Variants in EP400 observed in about 807,000 individuals in gnomAD.
The protein encoded by EP400 is E1A-binding protein p400.
Under a neutral mutation model 354.1 loss-of-function variants are expected in EP400, and 105 were observed. That is an observed-to-expected ratio of 0.30 (90% CI 0.25 to 0.35). The LOEUF is 0.35. EP400 is among the 10% of genes least tolerant of loss of function. The probability of loss-of-function intolerance (pLI) is 1.00; values close to 1 mark genes in which losing one functional copy is unlikely to be tolerated. For synonymous variants in EP400, 1,646 were observed against 1,716.9 expected, an observed-to-expected ratio of 0.96 and a Z score of 1.02; for missense variants, 3,280 against 4,121.0, an observed-to-expected ratio of 0.80 and a Z score of 5.59.
chr12:132,069,480 GC>G lies in EP400; in HGVS notation c.8875-14del. ...GCATGGTCTCTGCGGCCCTAATTTC[GC>G]AGTCTCTCCCCAGATCACCGCACAG... is the stretch of plus-strand genomic sequence containing the variant. On this transcript the variant is annotated splice_polypyrimidine_tract_variant and intron_variant, in intron 50 of 52. Coordinates refer to ENST00000389561, the MANE Select transcript of EP400 (RefSeq NM_015409.5). 6.2e-7 allele frequency: 1 copy of G among 1,611,826 alleles called. No homozygotes were observed. Among genetic ancestry groups the G allele is most frequent in the South Asian group, 1.1e-5 (1 of 91,000 alleles).
Position 132,027,602 on chromosome 12 carries a change from G to C in EP400, c.5109+71G>C. 1 of 1,307,950 alleles carries C rather than the reference G, an allele frequency of 7.6e-7. No individual in the cohort carries two copies. Among genetic ancestry groups the C allele is most frequent in the Non-Finnish European group, 1.0e-6 (1 of 954,162 alleles). The allele number at this position is 1,307,950 out of a possible 1,614,324, so 81.0% of individuals were successfully genotyped here. On this transcript the variant is annotated intron_variant, in intron 26 of 52. Transcript: ENST00000389561. The surrounding 1 kb of genome is among the most constrained non-coding windows in gnomAD (Gnocchi z 4.9). The stretch of plus-strand genomic sequence containing the variant: ...TTCCAAGAGCTGCTCGTTGTGTTTG[G>C]TTGTGATATTTAAAGGCTCCTGTGA...
At chr12:132,040,954 A>G (rs1253656490) in intron 32 of EP400, among the ~76,000 whole-genome samples, 1 of 152,196 alleles carries the variant, frequency 6.6e-6, no homozygotes, top group Non-Finnish European at 1.5e-5. Flanking sequence ...CCAGAGCAGT[A>G]ACACTGGTGA....
intron 45 of EP400, among the ~76,000 whole-genome samples, chr12:132,059,860 CAAA>C (rs1203429291): frequency 7.2e-6 from 1 of 139,788 alleles, no homozygotes; most frequent in South Asian, 2.3e-4. Flanking sequence ...ACAGAAAATA[CAAA>C]AAAAAAAAAA....
At chr12:131,981,704 C>A in intron 4 of EP400, 108 bp downstream of exon 4, 2 of 879,280 alleles carry the variant, frequency 2.3e-6, no homozygotes, top group Non-Finnish European at 1.8e-6. Context: ...AGCGTGTTTG[C>A]AGTGGGGTGC....
At chr12:132,036,176 C>G (rs1418315119) in intron 30 of EP400, among the ~76,000 whole-genome samples, 2 of 147,620 alleles carry the variant, frequency 1.4e-5, no homozygotes, top group Non-Finnish European at 3.0e-5. Context: ...GAACAACACA[C>G]CCAGGTTCAC....
chr12:131,973,445 C>T (rs1892365442), intron 2 of EP400, among the ~76,000 whole-genome samples: 1 of 152,170 alleles, frequency 6.6e-6, no homozygotes, highest in Admixed American at 6.5e-5. Flanking sequence ...AGTTTGAGAC[C>T]AGCCTGGCCA....
rs1452659126 is a variant in EP400, at chr12:132,025,602, G to A, written c.4856-44G>A. 2 of 1,536,894 alleles carry A rather than the reference G, an allele frequency of 1.3e-6. No individual in the cohort carries two copies. The highest frequency in any genetic ancestry group is 2.3e-5 in the East Asian group (1 of 42,878). ...AGTGCCTGGAGTGTGTGGCTGTGAT[G>A]TACACATGCCTGTCATTGACACCTA... On this transcript the variant is annotated intron_variant, in intron 24 of 52. Coordinates refer to ENST00000389561, the MANE Select transcript of EP400 (RefSeq NM_015409.5). This position sits in a 1 kb window ranked among gnomAD's most constrained non-coding sequence, Gnocchi z 4.1.
chr12:132,076,614 G>A, intron 52 of EP400, 21 bp downstream of exon 52: 1 of 1,591,990 alleles, frequency 6.3e-7, no homozygotes, highest in Non-Finnish European at 8.6e-7. Context: ...TAGACAAAGT[G>A]GAAACCTCAC....
chr12:131,979,590 T>C, intron 2 of EP400, 104 bp from the exon 3 acceptor site: 1 of 928,910 alleles, frequency 1.1e-6, no homozygotes, highest in East Asian at 2.8e-5. Context: ...TTCCTGTTAT[T>C]AGAAAGGAAG....
Position 132,074,673 on chromosome 12 carries a change from C to T in EP400, c.9022-1843C>T, listed in dbSNP as rs548544961. The stretch of plus-strand genomic sequence containing the variant: ...TTTTGTATTTTCTGTGTCTTTGTCT[C>T]GTCGTACTATATTCTGAGTCATGTC... On this transcript the variant is annotated intron_variant, in intron 51 of 52. Coordinates refer to ENST00000389561, the MANE Select transcript of EP400 (RefSeq NM_015409.5). 1.2e-4 allele frequency among the ~76,000 whole-genome samples: 18 copies of T among 152,300 alleles called. No individual in the cohort carries two copies. In the South Asian group the frequency reaches 3.3e-3, roughly 28 times the overall value.
rs746171849 is a variant in EP400, at chr12:132,021,187, G to C, written c.4556G>C (p.Arg1519Pro). The C allele has an allele frequency of 6.2e-7, 1 of 1,600,908 alleles. No individual in the cohort carries two copies. The highest frequency in any genetic ancestry group is 8.5e-7 in the Non-Finnish European group (1 of 1,179,606). Residue 1519 changes from arginine (R) to proline (P), a missense_variant, in exon 23 of 53, where the codon CGG (arginine) becomes CCG (proline). By Grantham distance (103) the Arg-to-Pro change is moderately radical. Transcript: ENST00000389561. ...AGCCCGGCCCATCCTGCGAAACTGC[G>C]GGCCCAGACCACAGCACAGGCCTCC... ...AASPAHPAKL[R>P]AQTTAQASTP... is the part of the protein sequence containing the mutation.
chr12:131,987,931 G>GT, intron 7 of EP400, 41 bp downstream of exon 7: 3 of 1,520,632 alleles, frequency 2.0e-6, no homozygotes, highest in Non-Finnish European at 2.7e-6. Flanking sequence ...GTGTGCGTTG[G>GT]TGGGGGCTTG....
chr12:132,027,545 C>T lies in EP400; in HGVS notation c.5109+14C>T. 1.9e-6 allele frequency: 3 copies of T among 1,600,124 alleles called. No homozygotes were observed. The South Asian group carries it at 3.4e-5, about 18-fold the overall frequency. Reference sequence around the variant, plus strand: ...GGGCCGACCCAGGTAAGCACCTGAGCTTGAGACCCCGGTGCACGTGGACAG... The same window carrying T: ...GGGCCGACCCAGGTAAGCACCTGAGTTTGAGACCCCGGTGCACGTGGACAG... On this transcript the variant is annotated intron_variant, in intron 26 of 52. Transcript: ENST00000389561. The surrounding 1 kb of genome is among the most constrained non-coding windows in gnomAD (Gnocchi z 4.9).
At position 132,027,497 on chromosome 12, in the gene EP400, C is replaced by G. The variant is rs1346419214; in HGVS notation, c.5075C>G (p.Ser1692Cys). 6.2e-7 allele frequency: 1 copy of G among 1,613,736 alleles called. No individual in the cohort carries two copies. The highest frequency in any genetic ancestry group is 1.7e-5 in the Admixed American group (1 of 59,950). Residue 1692 changes from serine (S) to cysteine (C), a missense_variant, in exon 26 of 53, where the codon TCC (serine) becomes TGC (cysteine). Physicochemically the swap from Ser to Cys is moderately radical, Grantham distance 112. This residue lies in a region of EP400 where 459 missense variants were observed against 496.9 expected (regional missense o/e 0.92). Transcript: ENST00000389561. The surrounding 1 kb of genome is among the most constrained non-coding windows in gnomAD (Gnocchi z 4.9). ...ALAVGEPGTA[S>C]KPASPIGGPT... The stretch of plus-strand genomic sequence containing the variant: ...GCTGTAGGAGAACCCGGAACGGCCT[C>G]CAAACCAGCTTCTCCCATTGGAGGG...
At chr12:132,015,786 G>GC (rs1306008635) in intron 19 of EP400, among the ~76,000 whole-genome samples, 2 of 151,986 alleles carry the variant, frequency 1.3e-5, no homozygotes, top group Non-Finnish European at 2.9e-5. Flanking sequence ...CGCACGCCTC[G>GC]CCCCCCTGGA....
chr12:131,955,081 A>C (rs1442220703), intron 1 of EP400, among the ~76,000 whole-genome samples: 1 of 152,158 alleles, frequency 6.6e-6, no homozygotes, highest in African/African-American at 2.4e-5. Flanking sequence ...TTAGTCGTTA[A>C]AAATTTTTAA....
intron 1 of EP400, among the ~76,000 whole-genome samples, chr12:131,950,877 A>G (rs1207996309): frequency 6.6e-6 from 1 of 152,102 alleles, no homozygotes; most frequent in African/African-American, 2.4e-5. Context: ...TTGGGCCACC[A>G]TGCCCGGCTC....
Position 132,028,244 on chromosome 12 carries a change from G to A in EP400, c.5337G>A (p.Leu1779=). ...CAGAAAGTCCAAGTGAGCTGATGTTGACGCTTTGTCGGTGTGGAGAGTCTC... is the reference window on the plus strand; with the variant it reads ...CAGAAAGTCCAAGTGAGCTGATGTTAACGCTTTGTCGGTGTGGAGAGTCTC... ...SSSESPSELM[L]TLCRCGESLQ... The change falls in exon 27 of 53, where the codon TTG becomes TTA. Residue 1779 remains leucine (L), a synonymous_variant. Coordinates refer to ENST00000389561, the MANE Select transcript of EP400 (RefSeq NM_015409.5). 3 of 1,614,224 alleles carry A rather than the reference G, an allele frequency of 1.9e-6. No individual in the cohort carries two copies. The highest frequency in any genetic ancestry group is 2.5e-6 in the Non-Finnish European group (3 of 1,180,034).
intron 23 of EP400, among the ~76,000 whole-genome samples, chr12:132,022,803 C>A (rs753111575): frequency 4.6e-5 from 7 of 151,752 alleles, no homozygotes; most frequent in Non-Finnish European, 1.0e-4. Context: ...TTGTAGACAC[C>A]GTGGCTCACA....
Sources: allele counts gnomAD v4.1 joint callset (sites outside exome capture counted in the v4.1 genomes callset), GRCh38; gene constraint gnomAD v4.1.1; regional missense constraint gnomAD v4.1.1; non-coding constraint Gnocchi (gnomAD v3.1); transcripts MANE v1.5; gene names NCBI Gene and HGNC (gene_info 2026-07-23, HGNC 2026-07-21).